The following PHLPP1 variants were observed in gnomAD, a reference collection of about 807,000 sequenced individuals.
PHLPP1 encodes PH domain leucine-rich repeat-containing protein phosphatase 1.
A neutral mutation model predicts 117.2 loss-of-function variants in PHLPP1; 42 were observed. That is an observed-to-expected ratio of 0.36 (90% CI 0.28 to 0.46). PHLPP1 has a LOEUF of 0.46. Ranked by LOEUF, PHLPP1 falls within the 20% of genes least tolerant of loss-of-function variation. The pLI is 1.00. For missense variants in PHLPP1, 2,084 were observed against 2,241.9 expected (o/e 0.93, Z 1.42); for synonymous variants, 1,042 against 970.7 (o/e 1.07, Z -1.37).
intron 1 of PHLPP1, among the ~76,000 whole-genome samples, chr18:62,798,416 C>T (rs1216462371): frequency 6.6e-6 from 1 of 152,138 alleles, no homozygotes; most frequent in Non-Finnish European, 1.5e-5. Flanking sequence ...TCCTTTACTT[C>T]TTGGTACTCC....
intron 1 of PHLPP1, among the ~76,000 whole-genome samples, chr18:62,726,863 C>T (rs896550811): frequency 6.6e-6 from 1 of 151,540 alleles, no homozygotes; most frequent in African/African-American, 2.4e-5. Flanking sequence ...GGATTACAGG[C>T]GTGACCCACC....
chr18:62,737,497 T>C (rs1314199899), intron 1 of PHLPP1, among the ~76,000 whole-genome samples: 2 of 152,194 alleles, frequency 1.3e-5, no homozygotes, highest in Non-Finnish European at 2.9e-5. Flanking sequence ...ACTGCCTTAG[T>C]AGGGCCTTTG....
At chr18:62,768,290 A>G (rs1912622387) in intron 1 of PHLPP1, among the ~76,000 whole-genome samples, 1 of 152,196 alleles carries the variant, frequency 6.6e-6, no homozygotes, top group Non-Finnish European at 1.5e-5. Flanking sequence ...GCCCCTGATC[A>G]GTCAGTAGTC....
chr18:62,954,956 G>T (rs745972625), intron 12 of PHLPP1, among the ~76,000 whole-genome samples: 45 of 152,210 alleles, frequency 3.0e-4, no homozygotes, highest in African/African-American at 1.0e-3. Context: ...AGTGCACTGC[G>T]CTTAGGATAT....
chr18:62,786,354 T>G (rs1913285088), intron 1 of PHLPP1, among the ~76,000 whole-genome samples: 1 of 152,340 alleles, frequency 6.6e-6, no homozygotes, highest in Non-Finnish European at 1.5e-5. Context: ...ATCACCATCT[T>G]GTTGTAGTAT....
In PHLPP1 at chr18:62,856,551, C is replaced by A. The variant is rs1270405340; in HGVS notation, c.1900-3884C>A. Among the ~76,000 whole-genome samples, 4 of 152,142 alleles carry A rather than the reference C, an allele frequency of 2.6e-5. No individual in the cohort carries two copies. In the East Asian group the frequency reaches 7.7e-4, roughly 29 times the overall value. On this transcript the variant is annotated intron_variant, in intron 3 of 16. Coordinates refer to ENST00000262719, the MANE Select transcript of PHLPP1 (RefSeq NM_194449.4). ...CAAGTGGTCCGTCCACCTCAGCCTCCCGAGTAGCTGGAACTATAGGCACGC... is the reference window on the plus strand; with the variant it reads ...CAAGTGGTCCGTCCACCTCAGCCTCACGAGTAGCTGGAACTATAGGCACGC...
chr18:62,964,927 C>G (rs1910861398), intron 14 of PHLPP1, among the ~76,000 whole-genome samples: 1 of 152,114 alleles, frequency 6.6e-6, no homozygotes, highest in Non-Finnish European at 1.5e-5. Context: ...GCATAATTCC[C>G]CCTTCCACAA....
intron 3 of PHLPP1, among the ~76,000 whole-genome samples, chr18:62,856,931 G>GT (rs199920198): frequency 0.052 from 7,611 of 147,360 alleles, 212 homozygotes; most frequent in Middle Eastern, 0.083. Flanking sequence ...TTCTCAAGCT[G>GT]TTTTTTTTTT....
At chr18:62,968,487 A>G (rs1007302522) in intron 14 of PHLPP1, among the ~76,000 whole-genome samples, 9 of 150,856 alleles carry the variant, frequency 6.0e-5, no homozygotes, top group Admixed American at 5.3e-4. Context: ...CTAGTTTTCA[A>G]ATGTATTAAC....
chr18:62,832,570 A>G (rs988385752), intron 2 of PHLPP1, among the ~76,000 whole-genome samples: 1 of 152,208 alleles, frequency 6.6e-6, no homozygotes, highest in African/African-American at 2.4e-5. Flanking sequence ...CACTGAGTGA[A>G]TTGAAAGTTA....
intron 1 of PHLPP1, among the ~76,000 whole-genome samples, chr18:62,726,993 C>T (rs1408586003): frequency 6.6e-5 from 10 of 151,122 alleles, no homozygotes; most frequent in East Asian, 2.0e-4. Context: ...TTTGGGAGGC[C>T]GAGGTAGGTG....
chr18:62,859,240 G>T (rs1915571991), intron 3 of PHLPP1, among the ~76,000 whole-genome samples: 1 of 152,206 alleles, frequency 6.6e-6, no homozygotes, highest in Admixed American at 6.5e-5. Context: ...ACCAAGATGT[G>T]TGGAGGTGGG....
intron 1 of PHLPP1, among the ~76,000 whole-genome samples, chr18:62,763,137 A>G (rs1912313570): frequency 6.6e-6 from 1 of 152,310 alleles, no homozygotes; most frequent in Non-Finnish European, 1.5e-5. Context: ...TTTGTTCTCT[A>G]GCAATCACTT....
rs1915821794 is a variant in PHLPP1, at chr18:62,868,483, G to A, written c.2066+7882G>A. ...TAAAAATACAAAAAAATAGCTAGGC[G>A]TCATGGCGCACACCTATAATCCCAG... On this transcript the variant is annotated intron_variant, in intron 4 of 16. Coordinates refer to ENST00000262719, the MANE Select transcript of PHLPP1 (RefSeq NM_194449.4). Among the ~76,000 whole-genome samples, 5 of 152,030 alleles carry A rather than the reference G, an allele frequency of 3.3e-5. 1 individual carries two copies. Among genetic ancestry groups the A allele is most frequent in the Middle Eastern group, 3.4e-3 (1 of 292 alleles).
At chr18:62,860,362 T>C in intron 3 of PHLPP1, 73 bp from the exon 4 acceptor site, 1 of 1,262,198 alleles carries the variant, frequency 7.9e-7, no homozygotes. Flanking sequence ...ATTGGGATTA[T>C]CTTATTTCTA....
At chr18:62,874,806 A>G (rs890002630) in intron 4 of PHLPP1, among the ~76,000 whole-genome samples, 10 of 152,220 alleles carry the variant, frequency 6.6e-5, no homozygotes, top group Non-Finnish European at 1.0e-4. Flanking sequence ...AAAACCACAC[A>G]GACGGAGGAG....
At chr18:62,729,616 C>T (rs1039356132) in intron 1 of PHLPP1, among the ~76,000 whole-genome samples, 1 of 151,806 alleles carries the variant, frequency 6.6e-6, no homozygotes, top group Admixed American at 6.6e-5. Flanking sequence ...TGGAGGTTGC[C>T]GTGAGCTGAG....
intron 1 of PHLPP1, among the ~76,000 whole-genome samples, chr18:62,771,031 T>TAGATA (rs1224288674): frequency 6.6e-6 from 1 of 151,918 alleles, no homozygotes; most frequent in Non-Finnish European, 1.5e-5. Context: ...CCAGCCAACA[T>TAGATA]GGTGTAAACC....
At chr18:62,822,867 ACTCAGTTTTATT>A (rs1416742325) in intron 1 of PHLPP1, among the ~76,000 whole-genome samples, 4 of 152,204 alleles carry the variant, frequency 2.6e-5, no homozygotes, top group African/African-American at 9.7e-5. Flanking sequence ...ACTATTGGCA[ACTCAGTTTTATT>A]GCAGGTACCA....
Sources: gnomAD v4.1 joint callset for allele counts (sites outside exome capture counted in the v4.1 genomes callset) on GRCh38, gnomAD v4.1.1 for gene constraint, MANE v1.5 for transcripts, NCBI Gene and HGNC (gene_info 2026-07-23, HGNC 2026-07-21) for gene names.